Variants in UGGT2 observed in about 807,000 individuals in gnomAD.
UGGT2 encodes UDP-glucose:glycoprotein glucosyltransferase 2.
Under a neutral mutation model 192.1 loss-of-function variants are expected in UGGT2, and 180 were observed. The ratio of observed to expected loss-of-function variants is 0.94; its 90% CI spans 0.83 to 1.06. UGGT2 has a LOEUF of 1.06. UGGT2 is among the 50% of genes least tolerant of loss of function. UGGT2 has a pLI of 0.00. For synonymous variants in UGGT2, 580 were observed against 591.0 expected, an observed-to-expected ratio of 0.98 and a Z score of 0.27; for missense variants, 1,849 against 1,795.7, an observed-to-expected ratio of 1.03 and a Z score of -0.54.
At chr13:95,958,387 A>G (rs476954) in intron 12 of UGGT2, among the ~76,000 whole-genome samples, 131,304 of 152,110 alleles carry the variant, frequency 0.86, 56,929 homozygotes, top group East Asian at 0.93. Context: ...TCTCGACCTC[A>G]TGATCCACCC....
intron 16 of UGGT2, among the ~76,000 whole-genome samples, chr13:95,939,387 A>G (rs2049582993): frequency 6.6e-6 from 1 of 151,708 alleles, no homozygotes; most frequent in South Asian, 2.1e-4. Context: ...GTATTTGGTG[A>G]GTCCCTTCTA....
chr13:95,890,733 T>C (rs2047776843), intron 25 of UGGT2, 129 bp downstream of exon 25: 2 of 732,720 alleles, frequency 2.7e-6, no homozygotes, highest in Non-Finnish European at 4.6e-6. Context: ...ATTTTCTACA[T>C]TGAAATATGA....
At chr13:95,999,430 C>T in intron 5 of UGGT2, 123 bp from the exon 6 acceptor site, 1 of 852,588 alleles carries the variant, frequency 1.2e-6, no homozygotes, top group Non-Finnish European at 1.8e-6. Context: ...TTTTTAATCA[C>T]TCTGAAAAAT....
At chr13:95,818,767 T>C (rs1315058919) in intron 38 of UGGT2, among the ~76,000 whole-genome samples, 1 of 152,062 alleles carries the variant, frequency 6.6e-6, no homozygotes, top group African/African-American at 2.4e-5. Flanking sequence ...TCTCACAAAA[T>C]ACCAGCTATA....
intron 38 of UGGT2, among the ~76,000 whole-genome samples, chr13:95,830,830 T>C (rs567693466): frequency 7.9e-5 from 12 of 152,280 alleles, no homozygotes; most frequent in African/African-American, 2.6e-4. Flanking sequence ...CATGCACACA[T>C]ATGTTTATTG....
chr13:95,984,740 G>A (rs531133147), intron 9 of UGGT2, among the ~76,000 whole-genome samples: 1 of 151,978 alleles, frequency 6.6e-6, no homozygotes, highest in African/African-American at 2.4e-5. Flanking sequence ...AACATGACTA[G>A]CTTTTACAAA....
intron 12 of UGGT2, among the ~76,000 whole-genome samples, chr13:95,963,773 T>C (rs188543423): frequency 1.4e-4 from 22 of 152,108 alleles, no homozygotes; most frequent in Non-Finnish European, 7.4e-5. Flanking sequence ...AAAAGGGTAA[T>C]CCCATTTACA....
rs1247845134 is a variant in UGGT2, at chr13:96,019,137, G to C, written c.485+3903C>G. Among the ~76,000 whole-genome samples, 7 of 52,032 alleles carry C rather than the reference G, an allele frequency of 1.3e-4. 2 individuals carry two copies. The highest frequency in any genetic ancestry group is 5.3e-4 in the African/African-American group (7 of 13,102). 34.1% of individuals were successfully genotyped at this position (52,032 alleles called of 152,430 possible). On this transcript the variant is annotated intron_variant, in intron 4 of 38. Coordinates refer to ENST00000376747, the MANE Select transcript of UGGT2 (RefSeq NM_020121.4). The stretch of plus-strand genomic sequence containing the variant: ...CCCTACATAGCGGGGGGGGGGGGGG[G>C]GAATGTTTCTGTCAGGCTGTAGAAT...
intron 20 of UGGT2, among the ~76,000 whole-genome samples, chr13:95,920,806 T>G (rs368857494): frequency 2.0e-5 from 3 of 152,266 alleles, no homozygotes; most frequent in East Asian, 1.9e-4. Context: ...AAAACAAAAT[T>G]ACCATTTGAC....
chr13:96,022,564 A>C (rs1420883274), intron 4 of UGGT2, among the ~76,000 whole-genome samples: 1 of 135,412 alleles, frequency 7.4e-6, no homozygotes, highest in Non-Finnish European at 1.6e-5. Context: ...ATAATCAGGC[A>C]AAAAAAATAT....
intron 20 of UGGT2, among the ~76,000 whole-genome samples, chr13:95,920,255 T>C (rs1362442383): frequency 6.6e-6 from 1 of 152,140 alleles, no homozygotes. Flanking sequence ...GAAGAAAATC[T>C]AGGCAATACT....
chr13:95,980,260 C>T (rs115303919), intron 10 of UGGT2, among the ~76,000 whole-genome samples: 1,950 of 152,196 alleles, frequency 0.013, 41 homozygotes, highest in African/African-American at 0.045. Context: ...ATACATACCA[C>T]GGAATACTAC....
intron 4 of UGGT2, among the ~76,000 whole-genome samples, chr13:96,018,553 T>A (rs1297727596): frequency 6.6e-6 from 1 of 151,966 alleles, no homozygotes; most frequent in Non-Finnish European, 1.5e-5. Context: ...AAATATGAGT[T>A]ATATATCTGG....
intron 5 of UGGT2, 88 bp from the exon 6 acceptor site, chr13:95,999,395 A>G (rs1036456107): frequency 1.7e-5 from 21 of 1,206,928 alleles, no homozygotes; most frequent in Non-Finnish European, 2.6e-5. Context: ...ATTTGGACAT[A>G]AGGGTAAATT....
intron 8 of UGGT2, chr13:95,989,532 G>A: frequency 2.6e-6 from 1 of 389,756 alleles, no homozygotes; most frequent in Non-Finnish European, 5.4e-6. Flanking sequence ...TTGTAAAACT[G>A]CATGTCCTCC....
chr13:95,947,468 T>TC (rs1270870669), intron 14 of UGGT2, among the ~76,000 whole-genome samples: 1 of 123,286 alleles, frequency 8.1e-6, no homozygotes. Context: ...TTATTTTTTT[T>TC]GAGACAAGAG....
intron 36 of UGGT2, among the ~76,000 whole-genome samples, chr13:95,851,556 T>C (rs1889041776): frequency 6.6e-6 from 1 of 152,086 alleles, no homozygotes; most frequent in African/African-American, 2.4e-5. Flanking sequence ...AGGTCTGACA[T>C]AGAAGCCAAT....
At position 95,833,092 on chromosome 13, in the gene UGGT2, C is replaced by T. The variant is rs145374882; in HGVS notation, c.4402-39G>A. 5.1e-4 allele frequency: 815 copies of T among 1,599,780 alleles called. 4 individuals are homozygous for T. The African/African-American group carries it at 9.8e-3, about 19-fold the overall frequency. ...TAAATTTTGTTAATGAAAGACCATG[C>T]TCCTGGAAACATAAGGACAATGCTG... On this transcript the variant is annotated intron_variant, in intron 37 of 38. Coordinates refer to ENST00000376747, the MANE Select transcript of UGGT2 (RefSeq NM_020121.4).
intron 5 of UGGT2, among the ~76,000 whole-genome samples, chr13:96,001,976 T>C (rs999993311): frequency 6.6e-6 from 1 of 152,216 alleles, no homozygotes; most frequent in Non-Finnish European, 1.5e-5. Flanking sequence ...ATAATACATG[T>C]GACATGAAAA....
Sources: allele counts gnomAD v4.1 joint callset (sites outside exome capture counted in the v4.1 genomes callset), GRCh38; gene constraint gnomAD v4.1.1; transcripts MANE v1.5; gene names NCBI Gene and HGNC (gene_info 2026-07-23, HGNC 2026-07-21).